ZMYM2: variants seen among roughly 807,000 people sequenced by gnomAD.
The protein encoded by ZMYM2 is zinc finger MYM-type protein 2.
In ZMYM2, 56 loss-of-function variants were observed where a neutral mutation model predicts 162.8. That is an observed-to-expected ratio of 0.34 (90% CI 0.28 to 0.43). The LOEUF is 0.43. Ranked by LOEUF, ZMYM2 falls within the 20% of genes least tolerant of loss-of-function variation. The pLI is 1.00. For missense variants in ZMYM2, 1,275 were observed against 1,621.8 expected (o/e 0.79, Z 3.67); for synonymous variants, 510 against 541.6 (o/e 0.94, Z 0.81).
the ZMYM2 span, among the ~76,000 whole-genome samples, chr13:19,904,191 A>G: frequency 1.2e-4 from 10 of 80,756 alleles, no homozygotes; most frequent in Admixed American, 4.4e-4. Flanking sequence ...AGTTCAACAC[A>G]TTTTTTTTTT....
chr13:19,978,028 C>T (rs1426789608), intron 2 of ZMYM2, among the ~76,000 whole-genome samples: 1 of 151,742 alleles, frequency 6.6e-6, no homozygotes, highest in Non-Finnish European at 1.5e-5. Flanking sequence ...AGGTGCCCAC[C>T]ACCACGCCTG....
At chr13:19,926,948 G>A in the ZMYM2 span, among the ~76,000 whole-genome samples, 11 of 152,330 alleles carry the variant, frequency 7.2e-5, no homozygotes, top group East Asian at 1.7e-3. Flanking sequence ...GATTACAGGC[G>A]TGAGCCACCA....
At chr13:19,988,060 C>T (rs1949318713) in intron 2 of ZMYM2, among the ~76,000 whole-genome samples, 1 of 152,166 alleles carries the variant, frequency 6.6e-6, no homozygotes, top group Non-Finnish European at 1.5e-5. Flanking sequence ...GTGTTTGAAT[C>T]CTTTACTGTC....
chr13:20,036,625 T>G (rs1399997323), intron 11 of ZMYM2, 112 bp from the exon 12 acceptor site: 1 of 810,942 alleles, frequency 1.2e-6, no homozygotes, highest in Non-Finnish European at 1.7e-6. Context: ...ACAGTAGATT[T>G]TATAGTTTTG....
chr13:19,996,127 C>T (rs1192814905), intron 3 of ZMYM2, among the ~76,000 whole-genome samples: 1 of 152,142 alleles, frequency 6.6e-6, no homozygotes, highest in Non-Finnish European at 1.5e-5. Flanking sequence ...CTGACCCATT[C>T]TGTCATCATT....
At chr13:19,975,591 T>G (rs1956709483) in intron 2 of ZMYM2, among the ~76,000 whole-genome samples, 1 of 152,260 alleles carries the variant, frequency 6.6e-6, no homozygotes, top group South Asian at 2.1e-4. Flanking sequence ...TTAGGTTGTT[T>G]TCACCTTTTG....
intron 2 of ZMYM2, among the ~76,000 whole-genome samples, chr13:19,972,778 C>T (rs1324606944): frequency 6.6e-6 from 1 of 151,736 alleles, no homozygotes; most frequent in East Asian, 1.9e-4. Context: ...TCTTCTATAC[C>T]AACTGCATTT....
Position 20,084,363 on chromosome 13 carries a change from ACTTTTT to A in ZMYM2, c.3941+591_3941+596del, listed in dbSNP as rs1272546786. Among the ~76,000 whole-genome samples, 11 of 152,280 alleles carry A rather than the reference ACTTTTT, an allele frequency of 7.2e-5. No individual in the cohort carries two copies. The South Asian group carries it at 1.2e-3, about 17-fold the overall frequency. ...AATGACAGCAAAGCAAGGGACACAA[ACTTTTT>A]CTTAAACGGTCAGATGGTAAATATT... is the stretch of plus-strand genomic sequence containing the variant. On this transcript the variant is annotated intron_variant, in intron 24 of 24. Coordinates refer to ENST00000610343, the MANE Select transcript of ZMYM2 (RefSeq NM_197968.4).
At chr13:20,014,762 GTT>G (rs71070286) in intron 6 of ZMYM2, among the ~76,000 whole-genome samples, 5 of 92,812 alleles carry the variant, frequency 5.4e-5, no homozygotes, top group Middle Eastern at 9.3e-3. Context: ...TTTACTTTAG[GTT>G]TTTTTTTTTT....
chr13:19,981,261 A>AC (rs1187993280), intron 2 of ZMYM2, among the ~76,000 whole-genome samples: 5 of 151,838 alleles, frequency 3.3e-5, no homozygotes, highest in African/African-American at 9.7e-5. Context: ...TGCCAGTGAG[A>AC]CCCTGCCTCT....
intron 17 of ZMYM2, 74 bp downstream of exon 17, chr13:20,061,298 C>A: frequency 1.3e-6 from 2 of 1,484,396 alleles, no homozygotes; most frequent in South Asian, 1.3e-5. Flanking sequence ...ACAGTACTTT[C>A]CAGGGCATAT....
the ZMYM2 span, among the ~76,000 whole-genome samples, chr13:19,897,953 T>C: frequency 6.6e-6 from 1 of 152,038 alleles, no homozygotes; most frequent in African/African-American, 2.4e-5. Context: ...TGAAAATCAT[T>C]AGGGAAACAG....
chr13:19,953,645 C>G, the ZMYM2 span, among the ~76,000 whole-genome samples: 1 of 129,560 alleles, frequency 7.7e-6, no homozygotes, highest in East Asian at 2.4e-4. Flanking sequence ...GATTGCACCA[C>G]TGCACTCCAG....
intron 21 of ZMYM2, among the ~76,000 whole-genome samples, chr13:20,071,441 C>G (rs1209630720): frequency 6.6e-6 from 1 of 152,188 alleles, no homozygotes; most frequent in Admixed American, 6.5e-5. Context: ...GCAAGTGGCT[C>G]TAGGGCTGAG....
At chr13:19,867,750 A>G in the ZMYM2 span, among the ~76,000 whole-genome samples, 1 of 151,988 alleles carries the variant, frequency 6.6e-6, no homozygotes, top group Non-Finnish European at 1.5e-5. Flanking sequence ...CTCAGACTCT[A>G]GAGTAGCTGG....
At chr13:19,911,158 G>A in the ZMYM2 span, among the ~76,000 whole-genome samples, 1 of 149,250 alleles carries the variant, frequency 6.7e-6, no homozygotes, top group East Asian at 2.0e-4. Context: ...CCAGGTTCAA[G>A]CAATTCTTGT....
intron 12 of ZMYM2, among the ~76,000 whole-genome samples, chr13:20,045,189 A>G (rs1265304851): frequency 1.3e-5 from 2 of 152,190 alleles, no homozygotes; most frequent in Non-Finnish European, 2.9e-5. Context: ...TATTGGTATT[A>G]AAATGATACT....
chr13:19,928,170 TA>T, the ZMYM2 span, among the ~76,000 whole-genome samples: 1 of 152,180 alleles, frequency 6.6e-6, no homozygotes, highest in Admixed American at 6.5e-5. Flanking sequence ...CATGCCCAGC[TA>T]ATTTCCCTTT....
chr13:19,925,061 T>C, the ZMYM2 span, among the ~76,000 whole-genome samples: 2 of 152,142 alleles, frequency 1.3e-5, no homozygotes, highest in South Asian at 2.1e-4. Flanking sequence ...ATTTTGTATT[T>C]TCAGTAGAGA....
Sources: gnomAD v4.1 joint callset for allele counts (sites outside exome capture counted in the v4.1 genomes callset) on GRCh38, gnomAD v4.1.1 for gene constraint, MANE v1.5 for transcripts, NCBI Gene and HGNC (gene_info 2026-07-23, HGNC 2026-07-21) for gene names.